Variants in DLG2 observed in about 807,000 individuals in gnomAD.
The protein encoded by DLG2 is disks large homolog 2.
DLG2 carries 45 observed loss-of-function variants against 132.5 expected under a neutral mutation model. That is an observed-to-expected ratio of 0.34 (90% CI 0.27 to 0.44). The LOEUF is 0.44. DLG2 is among the 20% of genes least tolerant of loss of function. DLG2 has a pLI of 1.00. For synonymous variants in DLG2, 424 were observed against 419.6 expected (o/e 1.01, Z -0.13); for missense variants, 1,045 against 1,196.9 (o/e 0.87, Z 1.87).
Position 85,154,560 on chromosome 11 carries a change from G to T in DLG2, c.278C>A (p.Thr93Lys), listed in dbSNP as rs138385464. The T allele has an allele frequency of 7.6e-5, 110 of 1,454,266 alleles. No homozygotes were observed. In the African/African-American group the frequency reaches 1.4e-3, roughly 19 times the overall value. 90.1% of individuals were successfully genotyped at this position (1,454,266 alleles called of 1,614,324 possible). Reference sequence around the variant, plus strand: ...AGAAAACAGTATAACACTTACAGTTGTCGTCTCATCAGTTTCATTTTCAAA... The same window carrying T: ...AGAAAACAGTATAACACTTACAGTTTTCGTCTCATCAGTTTCATTTTCAAA... ...QSFENETDET[T>K]TQNQGRCPAQ... Residue 93 changes from threonine to lysine, a missense_variant, in exon 5 of 28, where the codon ACA (threonine) becomes AAA (lysine). Around this residue, in one of 4 missense-constraint regions of DLG2, gnomAD observed 277 missense variants for 238.2 expected, o/e 1.16. Coordinates refer to ENST00000376104, the MANE Select transcript of DLG2 (RefSeq NM_001142699.3).
At chr11:83,553,889 C>CTTTTTTTTTTTTTTTTTTTTTTTTTT (rs57434000) in intron 19 of DLG2, among the ~76,000 whole-genome samples, 2 of 142,888 alleles carry the variant, frequency 1.4e-5, no homozygotes, top group Admixed American at 7.0e-5. Flanking sequence ...ACAATCTTTT[C>CTTTTTTTTTTTTTTTTTTTTTTTTTT]TTTTTTTTTC....
intron 19 of DLG2, among the ~76,000 whole-genome samples, chr11:83,611,915 G>T (rs552305728): frequency 2.8e-4 from 41 of 148,486 alleles, no homozygotes; most frequent in Admixed American, 1.5e-3. Flanking sequence ...GCTTTTGAAG[G>T]GGGGGCAACT....
chr11:84,345,616 G>A (rs1025870390), intron 7 of DLG2, among the ~76,000 whole-genome samples: 2 of 152,128 alleles, frequency 1.3e-5, no homozygotes, highest in African/African-American at 4.8e-5. Flanking sequence ...TGAAGATGGT[G>A]TCACAATCTA....
At chr11:85,566,292 G>C (rs2077520991) in intron 3 of DLG2, among the ~76,000 whole-genome samples, 1 of 151,886 alleles carries the variant, frequency 6.6e-6, no homozygotes, top group Non-Finnish European at 1.5e-5. Context: ...CCATTGTGTG[G>C]GCTGCCTTTT....
intron 21 of DLG2, among the ~76,000 whole-genome samples, chr11:83,490,861 G>A (rs1338955228): frequency 6.6e-6 from 1 of 151,924 alleles, no homozygotes; most frequent in African/African-American, 2.4e-5. Context: ...CCAACAGAAT[G>A]CAATGTGTAG....
intron 6 of DLG2, among the ~76,000 whole-genome samples, chr11:84,760,874 C>T (rs1321207446): frequency 6.6e-6 from 1 of 152,146 alleles, no homozygotes; most frequent in Non-Finnish European, 1.5e-5. Context: ...CGTGGCCCAA[C>T]TCCAGGGGAA....
intron 4 of DLG2, among the ~76,000 whole-genome samples, chr11:85,205,841 A>T (rs1171819243): frequency 6.6e-6 from 1 of 152,196 alleles, no homozygotes; most frequent in African/African-American, 2.4e-5. Flanking sequence ...AAAGATTTCT[A>T]AGACTTACTC....
intron 21 of DLG2, among the ~76,000 whole-genome samples, chr11:83,512,075 G>A (rs1205303785): frequency 2.0e-5 from 3 of 152,166 alleles, no homozygotes; most frequent in African/African-American, 7.2e-5. Context: ...AGCTGGGTGG[G>A]GCAGCTGGAG....
At chr11:84,091,953 C>T (rs1172953447) in intron 10 of DLG2, among the ~76,000 whole-genome samples, 1 of 152,138 alleles carries the variant, frequency 6.6e-6, no homozygotes, top group East Asian at 1.9e-4. Context: ...TACTACACAG[C>T]CCCCCATAGG....
chr11:85,176,813 T>C (rs1262419673), intron 4 of DLG2, among the ~76,000 whole-genome samples: 1 of 152,106 alleles, frequency 6.6e-6, no homozygotes, highest in East Asian at 1.9e-4. Context: ...GAGCAGACAC[T>C]TCTCAAAAGA....
At chr11:85,127,694 T>C (rs1157144415) in intron 5 of DLG2, among the ~76,000 whole-genome samples, 1 of 152,202 alleles carries the variant, frequency 6.6e-6, no homozygotes, top group Non-Finnish European at 1.5e-5. Context: ...ATAAATAGCT[T>C]TGTCTATGAA....
chr11:83,806,056 C>T (rs1431177058), intron 17 of DLG2, among the ~76,000 whole-genome samples: 1 of 152,108 alleles, frequency 6.6e-6, no homozygotes, highest in East Asian at 1.9e-4. Context: ...TTGGGCCTAA[C>T]TTCCTCCTCC....
chr11:84,283,404 T>C (rs2097873640), intron 7 of DLG2, among the ~76,000 whole-genome samples: 1 of 152,186 alleles, frequency 6.6e-6, no homozygotes, highest in African/African-American at 2.4e-5. Context: ...TGAGTTAATA[T>C]TGATAAAACT....
intron 9 of DLG2, among the ~76,000 whole-genome samples, chr11:84,131,288 C>T (rs767427609): frequency 3.3e-5 from 5 of 151,874 alleles, no homozygotes; most frequent in Admixed American, 6.6e-5. Flanking sequence ...AGATTATTGA[C>T]GCCTAAGATA....
intron 3 of DLG2, among the ~76,000 whole-genome samples, chr11:85,324,447 C>T (rs993022970): frequency 2.6e-5 from 4 of 152,030 alleles, no homozygotes; most frequent in Admixed American, 6.5e-5. Flanking sequence ...CCTTATTTTG[C>T]CTTTAAGATT....
chr11:85,306,005 C>T (rs2079918373), intron 3 of DLG2, among the ~76,000 whole-genome samples: 1 of 152,066 alleles, frequency 6.6e-6, no homozygotes, highest in Non-Finnish European at 1.5e-5. Flanking sequence ...GGTTTGAGTC[C>T]CAGCTCTGCC....
chr11:84,914,331 C>A (rs947367158), intron 6 of DLG2, among the ~76,000 whole-genome samples: 12 of 152,180 alleles, frequency 7.9e-5, no homozygotes, highest in Non-Finnish European at 1.6e-4. Context: ...TTATTGTCTA[C>A]TTTTCTCTTG....
intron 6 of DLG2, among the ~76,000 whole-genome samples, chr11:84,678,029 G>A (rs574222496): frequency 1.3e-5 from 2 of 152,042 alleles, no homozygotes; most frequent in African/African-American, 4.8e-5. Flanking sequence ...AAGTATCAAG[G>A]CAATTAATGA....
chr11:85,089,746 A>G (rs1172179758), intron 6 of DLG2, among the ~76,000 whole-genome samples: 3 of 152,148 alleles, frequency 2.0e-5, no homozygotes, highest in Admixed American at 6.5e-5. Flanking sequence ...ATTCACATCA[A>G]CAGTGAAAAT....
Sources: allele counts gnomAD v4.1 joint callset (sites outside exome capture counted in the v4.1 genomes callset), GRCh38; gene constraint gnomAD v4.1.1; regional missense constraint gnomAD v4.1.1; transcripts MANE v1.5; gene names NCBI Gene and HGNC (gene_info 2026-07-23, HGNC 2026-07-21).